ZNF347: variants seen among roughly 807,000 people sequenced by gnomAD.
ZNF347 encodes the protein zinc finger protein 347, also known as CTD-2620I22.7.
In ZNF347, 19 loss-of-function variants were observed where a neutral mutation model predicts 12.9. The ratio of observed to expected loss-of-function variants is 1.47; its 90% confidence interval spans 1.03 to 2.16. The LOEUF (loss-of-function observed/expected upper bound fraction) is 2.16, where lower values mean the gene tolerates loss of function less well. Ranked by LOEUF, ZNF347 falls within the 30% of genes most tolerant of loss-of-function variation. The probability of loss-of-function intolerance (pLI) is 0.00; values close to 1 mark genes in which losing one functional copy is unlikely to be tolerated. For missense variants in ZNF347, 1,005 were observed against 990.6 expected (o/e 1.01, Z -0.19); for synonymous variants, 328 against 340.6 (o/e 0.96, Z 0.41).
At chr19:53,149,396 G>A (rs1323510452) in intron 2 of ZNF347, 29 bp from the exon 3 acceptor site, 1 of 1,612,324 alleles carries the variant, frequency 6.2e-7, no homozygotes, top group East Asian at 2.2e-5. Context: ...CCACCAGGGG[G>A]ATATAAGGAA....
intron 3 of ZNF347, 70 bp from the exon 4 acceptor site, chr19:53,148,879 G>A: frequency 6.4e-7 from 1 of 1,552,614 alleles, no homozygotes; most frequent in Non-Finnish European, 8.7e-7. Context: ...GTTTACATGA[G>A]GAGGGAGGAC....
At position 53,150,905 on chromosome 19, in the gene ZNF347, A is replaced by G. The variant is rs1198576154; in HGVS notation, c.16-1538T>C. 2.0e-5 allele frequency among the ~76,000 whole-genome samples: 3 copies of G among 152,190 alleles called. No individual in the cohort carries two copies. In the East Asian group the frequency reaches 5.8e-4, roughly 29 times the overall value. On this transcript the variant is annotated intron_variant, in intron 2 of 4. Transcript: ENST00000334197. The stretch of plus-strand genomic sequence containing the variant: ...CAAGCACCCACCACCACACCCGGCT[A>G]ATTTTTGTATTTTTAGTAGAGATGG...
intron 2 of ZNF347, among the ~76,000 whole-genome samples, chr19:53,150,842 C>T (rs12462848): frequency 0.015 from 2,279 of 152,228 alleles, 57 homozygotes; most frequent in African/African-American, 0.051. Flanking sequence ...TGGGTTGAAG[C>T]GATTCTCCGG....
In ZNF347 at chr19:53,149,678, C is replaced by T. The variant is rs137932414; in HGVS notation, c.16-311G>A. On this transcript the variant is annotated intron_variant, in intron 2 of 4. Transcript: ENST00000334197. ...AGAGTTGGGACTTCGAGCCCCATCC[C>T]CCAACTTACCCTGAGGGGATGGGGG... 62 of 342,894 alleles carry T rather than the reference C, an allele frequency of 1.8e-4. No homozygotes were observed. In the East Asian group the frequency reaches 5.5e-3, roughly 31 times the overall value. 21.2% of individuals were successfully genotyped at this position (342,894 alleles called of 1,614,324 possible).
intron 1 of ZNF347, among the ~76,000 whole-genome samples, chr19:53,157,241 T>C (rs8107811): frequency 0.098 from 14,875 of 152,074 alleles, 1,806 homozygotes; most frequent in African/African-American, 0.29. Flanking sequence ...CTGCATAATT[T>C]AAGTAAACGT....
chr19:53,148,110 C>T (rs563052161), intron 4 of ZNF347, among the ~76,000 whole-genome samples: 30 of 152,244 alleles, frequency 2.0e-4, no homozygotes, highest in African/African-American at 7.2e-4. Flanking sequence ...ACAAGGATGT[C>T]CACTTTCACT....
chr19:53,158,288 T>C (rs1278001306), intron 1 of ZNF347, among the ~76,000 whole-genome samples: 1 of 151,754 alleles, frequency 6.6e-6, no homozygotes, highest in Non-Finnish European at 1.5e-5. Context: ...GACGGCGCCT[T>C]AGAAGAGGGG....
chr19:53,145,150 G>C (rs1416144673), intron 4 of ZNF347, among the ~76,000 whole-genome samples: 1 of 151,780 alleles, frequency 6.6e-6, no homozygotes, highest in Non-Finnish European at 1.5e-5. Flanking sequence ...AATTAGCCAG[G>C]CGTGGTGGCA....
chr19:53,158,074 A>G (rs935862559), intron 1 of ZNF347, among the ~76,000 whole-genome samples: 11 of 152,000 alleles, frequency 7.2e-5, no homozygotes, highest in African/African-American at 2.7e-4. Context: ...TGGTCCACAC[A>G]TTCACAGGAA....
chr19:53,153,812 G>A lies in ZNF347; in HGVS notation c.-46-19C>T. On this transcript the variant is annotated intron_variant, in intron 1 of 4. Coordinates refer to ENST00000334197, the MANE Select transcript of ZNF347 (RefSeq NM_032584.3). ...GTTCTTCCTTAGGTAACAGGAAAGT[G>A]CCTTTAGAAGTCAATATTGAATATC... 10 of 1,601,070 alleles carry A rather than the reference G, an allele frequency of 6.2e-6. No homozygotes were observed. The highest frequency in any genetic ancestry group is 8.6e-6 in the Non-Finnish European group (10 of 1,168,866).
At chr19:53,147,795 A>C (rs979138223) in intron 4 of ZNF347, among the ~76,000 whole-genome samples, 4 of 152,170 alleles carry the variant, frequency 2.6e-5, no homozygotes, top group African/African-American at 9.6e-5. Context: ...ATTCAACAAC[A>C]CATTAAAAAG....
Position 53,136,263 on chromosome 19 carries a change from C to G in ZNF347, c.*4045G>C, listed in dbSNP as rs1211270044. Reference sequence around the variant, plus strand: ...TATTTACAGAGAACCTAGTCTGTACCTGCCATTGTTTTACATACATTTTCA... The same window carrying G: ...TATTTACAGAGAACCTAGTCTGTACGTGCCATTGTTTTACATACATTTTCA... On this transcript the variant is annotated 3_prime_UTR_variant, in exon 5 of 5. Coordinates refer to ENST00000334197, the MANE Select transcript of ZNF347 (RefSeq NM_032584.3). 6 of 151,340 alleles carry G rather than the reference C, an allele frequency of 4.0e-5. No individual in the cohort carries two copies. Among genetic ancestry groups the G allele is most frequent in the Non-Finnish European group, 1.5e-5 (1 of 67,938 alleles). 9.4% of individuals were successfully genotyped at this position (151,340 alleles called of 1,614,324 possible). A position where few individuals can be genotyped will look rare whatever the true frequency, so the allele number is the denominator to read the frequency against.
intron 4 of ZNF347, among the ~76,000 whole-genome samples, chr19:53,146,271 G>A (rs910524922): frequency 6.6e-6 from 1 of 151,780 alleles, no homozygotes; most frequent in Non-Finnish European, 1.5e-5. Context: ...CACCGTGCCC[G>A]GCCTAAAAAA....
chr19:53,148,878 A>C (rs2090480020), intron 3 of ZNF347, 69 bp from the exon 4 acceptor site: 2 of 1,554,550 alleles, frequency 1.3e-6, no homozygotes, highest in Non-Finnish European at 1.7e-6. Flanking sequence ...TGTTTACATG[A>C]GGAGGGAGGA....
chr19:53,141,294 G>T lies in ZNF347; in HGVS notation c.1534C>A (p.Pro512Thr). Residue 512 changes from proline (P) to threonine (T), a missense_variant, in exon 5 of 5, where the codon CCT becomes ACT. Physicochemically the swap from Pro to Thr is conservative, Grantham distance 38 (BLOSUM62 -1). Coordinates refer to ENST00000334197, the MANE Select transcript of ZNF347 (RefSeq NM_032584.3). ...THQVIHTGEK[P>T]YKCNECGKVF... Reference sequence around the variant, plus strand: ...TTGCCACATTCATTACATTTGTAAGGCTTTTCTCCAGTATGGATGACCTGA... The same window carrying T: ...TTGCCACATTCATTACATTTGTAAGTCTTTTCTCCAGTATGGATGACCTGA... The T allele has an allele frequency of 6.2e-7, 1 of 1,613,632 alleles. No individual in the cohort carries two copies.
chr19:53,158,381 C>G (rs1045584173), intron 1 of ZNF347, among the ~76,000 whole-genome samples: 1 of 152,132 alleles, frequency 6.6e-6, no homozygotes, highest in Non-Finnish European at 1.5e-5. Flanking sequence ...CAGGGGCCGA[C>G]GAGGGCGAGG....
rs762733284 is a variant in ZNF347, at chr19:53,140,703, A to G, written c.2125T>C (p.Tyr709His). Residue 709 changes from tyrosine to histidine, a missense_variant, in exon 5 of 5, where the codon TAT (tyrosine) becomes CAT (histidine). Physicochemically the swap from Tyr to His is moderately conservative, Grantham distance 83. Transcript: ENST00000334197. ...HQRVHTGEKP[Y>H]ECNQCGKAFS... ...GCTTTCCCACACTGATTACACTCAT[A>G]TGGTTTCTCTCCAGTATGAACTCTC... 1.2e-6 allele frequency: 2 copies of G among 1,613,420 alleles called. No homozygotes were observed. Among genetic ancestry groups the G allele is most frequent in the South Asian group, 1.1e-5 (1 of 91,046 alleles).
chr19:53,152,376 G>A (rs2090504349), intron 2 of ZNF347, among the ~76,000 whole-genome samples: 1 of 151,994 alleles, frequency 6.6e-6, no homozygotes, highest in South Asian at 2.1e-4. Flanking sequence ...GGAGGCCAAG[G>A]TGGGCTGATC....
rs1427425438 is a variant in ZNF347, at chr19:53,140,554, A to G, written c.2274T>C (p.Ile758=). The part of the protein sequence containing the change: ...QNSHLARHRG[I]HTGEKPYKCN... ...ACTTGTAAGGTTTCTCTCCAGTATG[A>G]ATTCCCCGATGTCTTGCAAGGTGTG... The change falls in exon 5 of 5, where the codon ATT becomes ATC. Residue 758 remains isoleucine (I), a synonymous_variant. Coordinates refer to ENST00000334197, the MANE Select transcript of ZNF347 (RefSeq NM_032584.3). 1.2e-6 allele frequency: 2 copies of G among 1,613,828 alleles called. No homozygotes were observed. Among genetic ancestry groups the G allele is most frequent in the South Asian group, 2.2e-5 (2 of 91,054 alleles).
Sources: allele counts gnomAD v4.1 joint callset (sites outside exome capture counted in the v4.1 genomes callset), GRCh38; gene constraint gnomAD v4.1.1; transcripts MANE v1.5; gene names NCBI Gene and HGNC (gene_info 2026-07-23, HGNC 2026-07-21).